Variants in SMCO4 observed in about 807,000 individuals in gnomAD.
SMCO4 encodes the protein single-pass membrane protein with coiled-coil domains 4.
SMCO4 carries 4 observed loss-of-function variants against 3.6 expected under a neutral mutation model. That is an observed-to-expected ratio of 1.11 (90% confidence interval 0.54 to 2.53). The LOEUF is 2.53. Ranked by LOEUF, SMCO4 falls within the 30% of genes most tolerant of loss-of-function variation. The pLI is 0.02. For missense variants in SMCO4, 70 were observed against 80.8 expected (o/e 0.87, Z 0.51); for synonymous variants, 36 against 35.3 (o/e 1.02, Z -0.07).
chr11:93,496,003 C>A (rs1434548437), intron 2 of SMCO4, among the ~76,000 whole-genome samples: 3 of 152,178 alleles, frequency 2.0e-5, no homozygotes, highest in Admixed American at 2.0e-4. Context: ...GCCTCTGTAG[C>A]CAGGCCTGGG....
chr11:93,534,911 G>C (rs978161732), intron 1 of SMCO4, among the ~76,000 whole-genome samples: 13 of 152,202 alleles, frequency 8.5e-5, no homozygotes, highest in Non-Finnish European at 2.9e-5. Flanking sequence ...CCTGCTAAGG[G>C]TCAAAGCACC....
chr11:93,538,179 G>T (rs929726478), intron 1 of SMCO4, among the ~76,000 whole-genome samples: 1 of 152,194 alleles, frequency 6.6e-6, no homozygotes, highest in South Asian at 2.1e-4. Context: ...TCTGATGCCC[G>T]CTTCCCTGAG....
chr11:93,549,013 T>C, the SMCO4 span, among the ~76,000 whole-genome samples: 1 of 152,236 alleles, frequency 6.6e-6, no homozygotes, highest in Non-Finnish European at 1.5e-5. Flanking sequence ...TACAGAGTTA[T>C]TTACTTGGTC....
chr11:93,479,266 C>T lies in SMCO4; in HGVS notation c.-77G>A. On this transcript the variant is annotated 5_prime_UTR_variant, in exon 3 of 3. Transcript: ENST00000298966. Reference sequence around the variant, plus strand: ...CACACTCCTCTTGCCAAGGCTGGAACCTCCTGTAGAGAGAACAACTGTGAT... The same window carrying T: ...CACACTCCTCTTGCCAAGGCTGGAATCTCCTGTAGAGAGAACAACTGTGAT... 1 of 1,550,322 alleles carries T rather than the reference C, an allele frequency of 6.5e-7. No homozygotes were observed. Among genetic ancestry groups the T allele is most frequent in the South Asian group, 1.2e-5 (1 of 81,574 alleles).
chr11:93,508,436 C>A (rs770306679), intron 1 of SMCO4, among the ~76,000 whole-genome samples: 60 of 152,064 alleles, frequency 3.9e-4, no homozygotes, highest in Non-Finnish European at 7.6e-4. Flanking sequence ...GTTGAAGGTC[C>A]ATTATTACAA....
intron 2 of SMCO4, among the ~76,000 whole-genome samples, chr11:93,488,551 T>TG (rs888037687): frequency 3.3e-5 from 5 of 151,760 alleles, no homozygotes; most frequent in Non-Finnish European, 5.9e-5. Flanking sequence ...AAATGGAGTG[T>TG]GAAAAAAAGA....
rs572676318 is a variant in SMCO4 at position 93,540,257 on chromosome 11, G to C, written c.-154+3019C>G. On this transcript the variant is annotated intron_variant, in intron 1 of 2. Transcript: ENST00000298966. ...CCCAAGTACCTGTGTGCAAGGGAAAGGAGTGGATGCCAATCTTTACTCAGC... is the reference window on the plus strand; with the variant it reads ...CCCAAGTACCTGTGTGCAAGGGAAACGAGTGGATGCCAATCTTTACTCAGC... Among the ~76,000 whole-genome samples, 103 of 152,320 alleles carry C rather than the reference G, an allele frequency of 6.8e-4. 1 individual carries two copies. The highest frequency in any genetic ancestry group is 2.2e-3 in the African/African-American group (93 of 41,562).
chr11:93,529,949 C>T (rs952008132), intron 1 of SMCO4, among the ~76,000 whole-genome samples: 2 of 152,244 alleles, frequency 1.3e-5, no homozygotes, highest in South Asian at 4.1e-4. Context: ...CGTACCAAGA[C>T]CACACAGCCA....
chr11:93,527,468 T>C (rs937791256), intron 1 of SMCO4, among the ~76,000 whole-genome samples: 1 of 152,100 alleles, frequency 6.6e-6, no homozygotes, highest in Non-Finnish European at 1.5e-5. Context: ...AAAGGCAATT[T>C]TTTTCCTTGA....
chr11:93,485,907 T>C (rs1468533765), intron 2 of SMCO4, among the ~76,000 whole-genome samples: 1 of 152,204 alleles, frequency 6.6e-6, no homozygotes, highest in Non-Finnish European at 1.5e-5. Flanking sequence ...AAGTATGCTG[T>C]TGTCCAACAT....
In SMCO4 at chr11:93,478,796, A is replaced by G; in HGVS notation, c.*214T>C. On this transcript the variant is annotated 3_prime_UTR_variant, in exon 3 of 3. Transcript: ENST00000298966. ...GTCTGAAAGGCACATGAAGTGGACC[A>G]TAAGGTGTATGGCACATTCACTGAT... is the stretch of plus-strand genomic sequence containing the variant. 1 of 1,355,590 alleles carries G rather than the reference A, an allele frequency of 7.4e-7. No homozygotes were observed. The highest frequency in any genetic ancestry group is 9.5e-7 in the Non-Finnish European group (1 of 1,048,752). The allele number at this position is 1,355,590 out of a possible 1,614,324, so 84.0% of individuals were successfully genotyped here.
intron 2 of SMCO4, among the ~76,000 whole-genome samples, chr11:93,485,382 A>G (rs1385940638): frequency 5.3e-5 from 8 of 152,154 alleles, no homozygotes; most frequent in Admixed American, 1.3e-4. Flanking sequence ...TCTCACCTCC[A>G]TGCCTTTGCT....
chr11:93,530,846 T>A (rs1388819151), intron 1 of SMCO4, among the ~76,000 whole-genome samples: 1 of 152,046 alleles, frequency 6.6e-6, no homozygotes, highest in Non-Finnish European at 1.5e-5. Context: ...CACCTCACCT[T>A]CCCCTCTGCT....
At chr11:93,511,132 G>GA (rs1948953370) in intron 1 of SMCO4, among the ~76,000 whole-genome samples, 1 of 151,884 alleles carries the variant, frequency 6.6e-6, no homozygotes, top group Non-Finnish European at 1.5e-5. Context: ...CCACTCAAAA[G>GA]ATTTTGACCC....
intron 2 of SMCO4, among the ~76,000 whole-genome samples, chr11:93,490,181 G>A (rs1948697916): frequency 6.6e-6 from 1 of 152,236 alleles, no homozygotes; most frequent in South Asian, 2.1e-4. Context: ...CAGAGCTTTT[G>A]AACAGGTCTT....
intron 1 of SMCO4, among the ~76,000 whole-genome samples, chr11:93,512,666 GAC>G (rs1948968431): frequency 1.3e-5 from 2 of 152,328 alleles, no homozygotes; most frequent in Admixed American, 1.3e-4. Context: ...ATAGGCTATA[GAC>G]ACATTGTCTA....
chr11:93,499,990 TG>T (rs1948818879), intron 1 of SMCO4, among the ~76,000 whole-genome samples: 1 of 152,192 alleles, frequency 6.6e-6, no homozygotes, highest in Non-Finnish European at 1.5e-5. Context: ...GCTTTTAGTA[TG>T]GGTATTACCC....
chr11:93,495,172 AT>A (rs1215969973), intron 2 of SMCO4, among the ~76,000 whole-genome samples: 1 of 151,970 alleles, frequency 6.6e-6, no homozygotes, highest in Non-Finnish European at 1.5e-5. Flanking sequence ...ATGACTTTCC[AT>A]CCCCCAGGGT....
chr11:93,538,401 G>A (rs1398573527), intron 1 of SMCO4, among the ~76,000 whole-genome samples: 3 of 152,180 alleles, frequency 2.0e-5, no homozygotes, highest in African/African-American at 7.2e-5. Context: ...GTGCCACCAG[G>A]GAAGAGGGGT....
Sources: allele counts gnomAD v4.1 joint callset (sites outside exome capture counted in the v4.1 genomes callset), GRCh38; gene constraint gnomAD v4.1.1; transcripts MANE v1.5; gene names NCBI Gene and HGNC (gene_info 2026-07-23, HGNC 2026-07-21).